Variants in GNA12 observed in about 807,000 individuals in gnomAD.
The protein encoded by GNA12 is G protein subunit alpha 12.
GNA12 carries 9 observed loss-of-function variants against 26.0 expected under a neutral mutation model. The observed-to-expected ratio is 0.35, with a 90% CI of 0.21 to 0.60. GNA12 has a LOEUF of 0.60. GNA12 is among the 20% of genes least tolerant of loss of function. The pLI, the probability that GNA12 is intolerant of heterozygous loss-of-function variation, is 0.78. For synonymous variants in GNA12, 264 were observed against 219.6 expected (o/e 1.20, Z -1.79); for missense variants, 405 against 525.8 (o/e 0.77, Z 2.25).
At chr7:2,829,236 G>A (rs1793549061) in intron 1 of GNA12, among the ~76,000 whole-genome samples, 1 of 152,158 alleles carries the variant, frequency 6.6e-6, no homozygotes, top group East Asian at 1.9e-4. Flanking sequence ...TTAAAATCAG[G>A]CACACAGGAG....
chr7:2,811,739 G>A (rs565253906), intron 1 of GNA12, among the ~76,000 whole-genome samples: 2 of 152,290 alleles, frequency 1.3e-5, no homozygotes, highest in South Asian at 2.1e-4. Context: ...CAGCTGTGCT[G>A]GTCTCTGATG....
At chr7:2,819,770 A>C (rs1793304521) in intron 1 of GNA12, among the ~76,000 whole-genome samples, 1 of 152,202 alleles carries the variant, frequency 6.6e-6, no homozygotes, top group Non-Finnish European at 1.5e-5. Context: ...GACCCCAAAG[A>C]CGTTATATTG....
intron 2 of GNA12, 91 bp downstream of exon 2, chr7:2,794,835 TAC>T (rs1185716737): frequency 2.2e-6 from 2 of 915,668 alleles, no homozygotes; most frequent in East Asian, 4.8e-5. Context: ...CTTGGACTGT[TAC>T]ACAGTTTTTA....
chr7:2,770,023 T>C (rs1475402942), intron 2 of GNA12, among the ~76,000 whole-genome samples: 1 of 152,172 alleles, frequency 6.6e-6, no homozygotes, highest in Non-Finnish European at 1.5e-5. Flanking sequence ...GAAGTTACAA[T>C]AAAATAGATC....
intron 1 of GNA12, among the ~76,000 whole-genome samples, chr7:2,831,404 C>CTTTT (rs3996402): frequency 3.1e-5 from 4 of 130,080 alleles, no homozygotes; most frequent in Non-Finnish European, 6.4e-5. Flanking sequence ...ACTTCACTTT[C>CTTTT]TTTTTTTTTT....
At chr7:2,751,453 C>G (rs867047920) in intron 2 of GNA12, among the ~76,000 whole-genome samples, 2 of 149,218 alleles carry the variant, frequency 1.3e-5, no homozygotes, top group African/African-American at 4.9e-5. Context: ...AATCACTGAC[C>G]AAAGGTACCA....
intron 2 of GNA12, chr7:2,775,344 G>C (rs1411677552): frequency 6.6e-6 from 1 of 152,244 alleles, no homozygotes; most frequent in African/African-American, 2.4e-5. Context: ...GACAGAGCCA[G>C]CCTGAATGTC....
chr7:2,791,463 T>C (rs1200655319), intron 2 of GNA12, among the ~76,000 whole-genome samples: 2 of 151,312 alleles, frequency 1.3e-5, no homozygotes, highest in African/African-American at 4.9e-5. Flanking sequence ...CACAAGGTAA[T>C]CACCAGACAC....
At chr7:2,829,871 G>C (rs1168776245) in intron 1 of GNA12, among the ~76,000 whole-genome samples, 2 of 152,188 alleles carry the variant, frequency 1.3e-5, no homozygotes, top group Admixed American at 6.5e-5. Flanking sequence ...ACCAGAGCTA[G>C]AGTTTGACAG....
intron 2 of GNA12, among the ~76,000 whole-genome samples, chr7:2,777,732 AAT>A (rs1321233646): frequency 1.3e-5 from 2 of 152,136 alleles, no homozygotes; most frequent in Admixed American, 6.6e-5. Flanking sequence ...AACTGTGAAA[AAT>A]ATATGTCTGT....
At chr7:2,770,638 CAACAATAACAACAACAA>C (rs1397037711) in intron 2 of GNA12, among the ~76,000 whole-genome samples, 1 of 122,696 alleles carries the variant, frequency 8.2e-6, no homozygotes, top group Non-Finnish European at 1.8e-5. Flanking sequence ...TCCATCTCAA[CAACAATAACAACAACAA>C]AACAAAACAA....
At chr7:2,753,102 A>G (rs1791116367) in intron 2 of GNA12, among the ~76,000 whole-genome samples, 1 of 151,880 alleles carries the variant, frequency 6.6e-6, no homozygotes. Flanking sequence ...TTCTGTTCCT[A>G]TAGTTTTGCC....
At chr7:2,768,998 G>C (rs547861014) in intron 2 of GNA12, among the ~76,000 whole-genome samples, 2 of 152,244 alleles carry the variant, frequency 1.3e-5, no homozygotes, top group East Asian at 3.9e-4. Flanking sequence ...CCACCTCCTG[G>C]GTTCAAGCAG....
At chr7:2,787,085 C>T (rs1030557288) in intron 2 of GNA12, among the ~76,000 whole-genome samples, 6 of 152,062 alleles carry the variant, frequency 3.9e-5, no homozygotes, top group Admixed American at 3.9e-4. Context: ...CCAGTAAGCA[C>T]CCCAAATCCA....
chr7:2,827,558 C>G (rs1793512959), intron 1 of GNA12, among the ~76,000 whole-genome samples: 1 of 152,104 alleles, frequency 6.6e-6, no homozygotes, highest in Non-Finnish European at 1.5e-5. Flanking sequence ...TGGAAGGGAA[C>G]CACAGTGGCT....
chr7:2,804,806 C>G (rs958620598), intron 1 of GNA12, among the ~76,000 whole-genome samples: 4 of 151,986 alleles, frequency 2.6e-5, no homozygotes, highest in Admixed American at 1.3e-4. Context: ...AGCCTGTAAT[C>G]CTAGCGCTTT....
At position 2,763,365 on chromosome 7, in the gene GNA12, G is replaced by C. The variant is rs34526419; in HGVS notation, c.526-29864C>G. 362 of 154,032 alleles carry C rather than the reference G, an allele frequency of 2.4e-3. 3 individuals are homozygous for C. The East Asian group carries it at 0.044, about 19-fold the overall frequency. 9.5% of individuals were successfully genotyped at this position (154,032 alleles called of 1,614,324 possible). ...CTCGGCACAGTTTGTTTGCTTCATC[G>C]GGCGGAGAAGGCCGAGTTCCAGCTC... On this transcript the variant is annotated intron_variant, in intron 2 of 3. Coordinates refer to ENST00000275364, the MANE Select transcript of GNA12 (RefSeq NM_007353.3).
At chr7:2,795,220 C>T in intron 1 of GNA12, 77 bp from the exon 2 acceptor site, 2 of 1,034,024 alleles carry the variant, frequency 1.9e-6, no homozygotes, top group South Asian at 2.8e-5. Context: ...TCAAAATGGG[C>T]ATCCATTGTC....
intron 1 of GNA12, among the ~76,000 whole-genome samples, chr7:2,812,902 T>TA (rs1167184220): frequency 6.6e-6 from 1 of 152,164 alleles, no homozygotes; most frequent in Non-Finnish European, 1.5e-5. Context: ...AACACATATA[T>TA]AAAATCAAAA....
Sources: gnomAD v4.1 joint callset for allele counts (sites outside exome capture counted in the v4.1 genomes callset) on GRCh38, gnomAD v4.1.1 for gene constraint, MANE v1.5 for transcripts, NCBI Gene and HGNC (gene_info 2026-07-23, HGNC 2026-07-21) for gene names.